Variants in RBFOX1 observed in about 807,000 individuals in gnomAD.
RBFOX1 encodes the protein RNA binding protein fox-1 homolog 1.
A neutral mutation model predicts 57.7 loss-of-function variants in RBFOX1; 8 were observed. The ratio of observed to expected loss-of-function variants is 0.14; its 90% CI spans 0.08 to 0.25. RBFOX1 has a LOEUF of 0.25. Ranked by LOEUF, RBFOX1 falls within the 10% of genes least tolerant of loss-of-function variation. RBFOX1 has a pLI of 1.00. For missense variants in RBFOX1, 611 were observed against 548.5 expected, an observed-to-expected ratio of 1.11 and a Z score of -1.14; for synonymous variants, 326 against 222.4, an observed-to-expected ratio of 1.47 and a Z score of -4.15.
At chr16:7,016,945 G>T (rs1268466082) in intron 3 of RBFOX1, among the ~76,000 whole-genome samples, 4 of 152,080 alleles carry the variant, frequency 2.6e-5, no homozygotes, top group Admixed American at 2.0e-4. Context: ...TTTGTTTCAT[G>T]TTTTTGTCCC....
intron 3 of RBFOX1, among the ~76,000 whole-genome samples, chr16:6,850,465 C>T (rs1438655129): frequency 6.6e-6 from 1 of 151,952 alleles, no homozygotes; most frequent in Non-Finnish European, 1.5e-5. Flanking sequence ...GAGTTGAGAG[C>T]TTATCAGGAG....
At chr16:7,488,114 C>T (rs370128811) in intron 4 of RBFOX1, among the ~76,000 whole-genome samples, 2 of 152,130 alleles carry the variant, frequency 1.3e-5, no homozygotes, top group African/African-American at 4.8e-5. Flanking sequence ...GGCTGGAGTG[C>T]TAATCCTCTT....
chr16:5,345,020 G>A lies in RBFOX1; in HGVS notation c.219+104915G>A, dbSNP rs117040549. Among the ~76,000 whole-genome samples, 21 of 152,328 alleles carry A rather than the reference G, an allele frequency of 1.4e-4. No individual in the cohort carries two copies. In the Middle Eastern group the frequency reaches 0.01, roughly 74 times the overall value. On this transcript the variant is annotated intron_variant, in intron 1 of 2. Coordinates refer to the RBFOX1 transcript ENST00000585867. ...CCTCCCTGCCCTTTGCAGGCACCACGTGGCATCTGTCTAGTTCTTCTGTTC... is the reference window on the plus strand; with the variant it reads ...CCTCCCTGCCCTTTGCAGGCACCACATGGCATCTGTCTAGTTCTTCTGTTC...
At chr16:6,969,298 T>C (rs1203841606) in intron 3 of RBFOX1, among the ~76,000 whole-genome samples, 2 of 152,204 alleles carry the variant, frequency 1.3e-5, no homozygotes, top group Non-Finnish European at 2.9e-5. Flanking sequence ...ACTCAACGAA[T>C]CCTATTTAGT....
chr16:5,448,868 A>G (rs637088), intron 1 of RBFOX1, among the ~76,000 whole-genome samples: 4,380 of 152,192 alleles, frequency 0.029, 117 homozygotes, highest in African/African-American at 0.07. Context: ...AGACATTTTT[A>G]TTCCTAAAGC....
chr16:6,395,426 A>T (rs1322014660), intron 2 of RBFOX1, among the ~76,000 whole-genome samples: 1 of 152,080 alleles, frequency 6.6e-6, no homozygotes, highest in Non-Finnish European at 1.5e-5. Flanking sequence ...ATTCTTTTCA[A>T]ATGTTGTTTT....
chr16:7,070,511 C>G (rs2057108713), intron 4 of RBFOX1, among the ~76,000 whole-genome samples: 1 of 152,110 alleles, frequency 6.6e-6, no homozygotes, highest in African/African-American at 2.4e-5. Flanking sequence ...GCATATGTGT[C>G]TTGACATCTT....
intron 3 of RBFOX1, among the ~76,000 whole-genome samples, chr16:6,972,419 C>T (rs942263651): frequency 2.0e-5 from 3 of 152,002 alleles, no homozygotes; most frequent in African/African-American, 7.3e-5. Context: ...TAGGATGTTT[C>T]TTCGTTTTTC....
chr16:6,602,845 C>A (rs764077676), intron 2 of RBFOX1, among the ~76,000 whole-genome samples: 5 of 152,234 alleles, frequency 3.3e-5, no homozygotes, highest in Non-Finnish European at 7.4e-5. Flanking sequence ...GCCCCACACA[C>A]CCCCACCATC....
At position 6,912,243 on chromosome 16, in the gene RBFOX1, T is replaced by A. The variant is rs187706748; in HGVS notation, c.-15-139814T>A. Among the ~76,000 whole-genome samples, 415 of 152,294 alleles carry A rather than the reference T, an allele frequency of 2.7e-3. 2 individuals are homozygous for A. The highest frequency in any genetic ancestry group is 9.1e-3 in the African/African-American group (377 of 41,562). On this transcript the variant is annotated intron_variant, in intron 3 of 15. Transcript: ENST00000550418. ...GGAGTTTCTCAAACTTGAGGGTACG[T>A]CAGAAGCACCTGCTGGCATTGTTAA...
chr16:6,723,892 A>G (rs1416881897), intron 3 of RBFOX1: 4 of 152,210 alleles, frequency 2.6e-5, no homozygotes, highest in Non-Finnish European at 5.9e-5. Flanking sequence ...GGCCAGATAC[A>G]GAGCACTCAC....
chr16:7,703,062 C>T (rs959446099), intron 14 of RBFOX1, among the ~76,000 whole-genome samples: 2 of 152,190 alleles, frequency 1.3e-5, no homozygotes, highest in Non-Finnish European at 2.9e-5. Flanking sequence ...GAGAACATCC[C>T]TTTAGCTAGA....
At chr16:6,043,276 G>C (rs746581329) in intron 1 of RBFOX1, among the ~76,000 whole-genome samples, 4 of 151,900 alleles carry the variant, frequency 2.6e-5, no homozygotes, top group Admixed American at 2.6e-4. Flanking sequence ...AAAGGTGTCC[G>C]TCTCCCACCG....
At chr16:6,547,147 G>C (rs1178265842) in intron 2 of RBFOX1, among the ~76,000 whole-genome samples, 3 of 152,168 alleles carry the variant, frequency 2.0e-5, no homozygotes, top group East Asian at 1.9e-4. Context: ...TAAGATGCAA[G>C]CCATTCTTCA....
chr16:6,985,686 T>C (rs572865374), intron 3 of RBFOX1, among the ~76,000 whole-genome samples: 2 of 152,040 alleles, frequency 1.3e-5, no homozygotes, highest in African/African-American at 2.4e-5. Flanking sequence ...AAAAGAAAAT[T>C]AGCCAGGCAT....
chr16:7,168,024 A>C (rs979224928), intron 4 of RBFOX1, among the ~76,000 whole-genome samples: 3 of 152,176 alleles, frequency 2.0e-5, no homozygotes, highest in Non-Finnish European at 4.4e-5. Context: ...TTCAATTTTT[A>C]TGAAGCAGGT....
At position 7,712,448 on chromosome 16, in the gene RBFOX1, C is replaced by T. The variant is rs539338089; in HGVS notation, c.*1703C>T. ...TTCTCTTGCCATCCTATGTGCATGC[C>T]GTAAGATCAGTTGGATATTAAACCA... On this transcript the variant is annotated 3_prime_UTR_variant, in exon 16 of 16. Coordinates refer to ENST00000550418, the MANE Select transcript of RBFOX1 (RefSeq NM_018723.4). The T allele has an allele frequency of 6.6e-6, 1 of 152,618 alleles. No homozygotes were observed. The highest frequency in any genetic ancestry group is 2.4e-5 in the African/African-American group (1 of 41,534). 9.5% of individuals were successfully genotyped at this position (152,618 alleles called of 1,614,324 possible). A position where few individuals can be genotyped will look rare whatever the true frequency, so the allele number is the denominator to read the frequency against.
At chr16:6,031,654 T>C (rs527376151) in intron 1 of RBFOX1, among the ~76,000 whole-genome samples, 1 of 152,170 alleles carries the variant, frequency 6.6e-6, no homozygotes, top group Non-Finnish European at 1.5e-5. Context: ...CATGCATGTA[T>C]GTGGCATGCG....
At chr16:6,077,249 T>G (rs1204456483) in intron 1 of RBFOX1, among the ~76,000 whole-genome samples, 1 of 152,178 alleles carries the variant, frequency 6.6e-6, no homozygotes, top group Non-Finnish European at 1.5e-5. Flanking sequence ...GCAGACACCA[T>G]GGCATTGCAG....
Sources: allele counts gnomAD v4.1 joint callset (sites outside exome capture counted in the v4.1 genomes callset), GRCh38; gene constraint gnomAD v4.1.1; transcripts MANE v1.5; gene names NCBI Gene and HGNC (gene_info 2026-07-23, HGNC 2026-07-21).